The following LARGE1 variants were observed in gnomAD, a reference collection of about 807,000 sequenced individuals.
LARGE1 encodes xylosyl- and glucuronyltransferase LARGE1.
Under a neutral mutation model 87.6 loss-of-function variants are expected in LARGE1, and 43 were observed. The ratio of observed to expected loss-of-function variants is 0.49; its 90% confidence interval spans 0.38 to 0.63. The LOEUF is 0.63. Among genes scored for constraint, LARGE1 ranks in the 30% least tolerant of loss-of-function variants. The probability of loss-of-function intolerance (pLI) is 0.00; values close to 1 mark genes in which losing one functional copy is unlikely to be tolerated. For missense variants in LARGE1, 802 were observed against 1,000.2 expected (o/e 0.80, Z 2.67); for synonymous variants, 434 against 394.6 (o/e 1.10, Z -1.18).
the LARGE1 span, among the ~76,000 whole-genome samples, chr22:33,100,087 G>A: frequency 6.6e-6 from 1 of 152,114 alleles, no homozygotes; most frequent in African/African-American, 2.4e-5. Flanking sequence ...TGTAATCCCA[G>A]CACTTTGGGA....
At chr22:33,501,399 G>T (rs2070429491) in intron 6 of LARGE1, among the ~76,000 whole-genome samples, 1 of 152,134 alleles carries the variant, frequency 6.6e-6, no homozygotes, top group Non-Finnish European at 1.5e-5. Flanking sequence ...GGCCCTAGGG[G>T]GCATGAATCT....
chr22:33,220,341 T>A (rs1295433299), intron 11 of LARGE1, among the ~76,000 whole-genome samples: 1 of 152,168 alleles, frequency 6.6e-6, no homozygotes, highest in Non-Finnish European at 1.5e-5. Context: ...TTTGTCAGCT[T>A]TGGTTTTTGC....
At chr22:33,842,226 T>C (rs1416463352) in intron 1 of LARGE1, among the ~76,000 whole-genome samples, 1 of 152,206 alleles carries the variant, frequency 6.6e-6, no homozygotes, top group Non-Finnish European at 1.5e-5. Context: ...ATTAAGTGCC[T>C]TCGACGCACG....
At chr22:33,251,787 T>C (rs1384426457) in intron 11 of LARGE1, among the ~76,000 whole-genome samples, 2 of 152,232 alleles carry the variant, frequency 1.3e-5, no homozygotes, top group Non-Finnish European at 2.9e-5. Context: ...GCTCAGTCTC[T>C]CACTGTTTGG....
intron 1 of LARGE1, among the ~76,000 whole-genome samples, chr22:33,909,268 T>A (rs1380732054): frequency 1.3e-5 from 2 of 152,152 alleles, no homozygotes; most frequent in Non-Finnish European, 2.9e-5. Context: ...CAGAGAAAAA[T>A]TCACAAGCCT....
At chr22:33,400,388 CA>C (rs1294672563) in intron 7 of LARGE1, among the ~76,000 whole-genome samples, 2 of 152,026 alleles carry the variant, frequency 1.3e-5, no homozygotes, top group African/African-American at 4.8e-5. Context: ...ACTGCAGAGC[CA>C]TCTGGGGGAG....
chr22:33,342,181 G>A (rs1939223675), intron 9 of LARGE1, among the ~76,000 whole-genome samples: 1 of 152,158 alleles, frequency 6.6e-6, no homozygotes, highest in South Asian at 2.1e-4. Context: ...CACACCCAGT[G>A]GGGGGATCGT....
At chr22:33,550,852 A>T (rs140880217) in intron 6 of LARGE1, among the ~76,000 whole-genome samples, 3 of 152,382 alleles carry the variant, frequency 2.0e-5, no homozygotes, top group Non-Finnish European at 4.4e-5. Context: ...CAGTACAACG[A>T]AATACTATTT....
intron 6 of LARGE1, among the ~76,000 whole-genome samples, chr22:33,486,378 C>G (rs9609811): frequency 0.06 from 9,137 of 152,256 alleles, 348 homozygotes; most frequent in Admixed American, 0.12. Flanking sequence ...CAGGACTTGA[C>G]AGTTTACAAA....
At chr22:33,755,699 G>A (rs571952115) in intron 2 of LARGE1, among the ~76,000 whole-genome samples, 6 of 152,298 alleles carry the variant, frequency 3.9e-5, no homozygotes, top group South Asian at 4.1e-4. Context: ...AATCACAGAT[G>A]CTCACAGCAC....
intron 2 of LARGE1, among the ~76,000 whole-genome samples, chr22:33,756,025 G>T (rs1014971943): frequency 1.3e-5 from 2 of 152,130 alleles, no homozygotes; most frequent in African/African-American, 2.4e-5. Flanking sequence ...ACTGAATAGT[G>T]GGCAGTAAGA....
downstream of LARGE1, among the ~76,000 whole-genome samples, chr22:33,161,662 TG>T (rs1213816665): frequency 6.6e-6 from 1 of 152,232 alleles, no homozygotes; most frequent in African/African-American, 2.4e-5. Flanking sequence ...TGATCTTCTT[TG>T]ATTCCATGTC....
At chr22:33,132,882 C>T in the LARGE1 span, among the ~76,000 whole-genome samples, 1,316 of 152,172 alleles carry the variant, frequency 8.6e-3, 9 homozygotes, top group African/African-American at 0.012. Context: ...TATTGTTTCC[C>T]GTCTTATACT....
chr22:33,467,183 C>T (rs186809000), intron 6 of LARGE1, among the ~76,000 whole-genome samples: 3 of 152,296 alleles, frequency 2.0e-5, no homozygotes, highest in Non-Finnish European at 2.9e-5. Context: ...CTTTGCCACC[C>T]TTCTTTGCTC....
At chr22:33,469,655 T>C (rs1169621635) in intron 6 of LARGE1, among the ~76,000 whole-genome samples, 3 of 151,688 alleles carry the variant, frequency 2.0e-5, no homozygotes, top group Non-Finnish European at 4.4e-5. Context: ...TGAAACCCCC[T>C]CTCTACTAAA....
chr22:33,798,525 T>C (rs1438499094), intron 1 of LARGE1, among the ~76,000 whole-genome samples: 4 of 151,964 alleles, frequency 2.6e-5, no homozygotes. Flanking sequence ...ACCACTGGAG[T>C]GCTCACTGGA....
chr22:33,872,267 A>T (rs1394092840), intron 1 of LARGE1, among the ~76,000 whole-genome samples: 1 of 151,838 alleles, frequency 6.6e-6, no homozygotes, highest in Non-Finnish European at 1.5e-5. Context: ...TGGGCACGCC[A>T]GCATCCACTT....
intron 7 of LARGE1, among the ~76,000 whole-genome samples, chr22:33,410,026 G>C (rs939672662): frequency 6.6e-6 from 1 of 152,056 alleles, no homozygotes; most frequent in African/African-American, 2.4e-5. Context: ...TTATAATGCA[G>C]GCTTTGGAAG....
intron 2 of LARGE1, chr22:33,737,711 T>A (rs1203249729): frequency 1.3e-5 from 2 of 152,096 alleles, no homozygotes; most frequent in East Asian, 3.9e-4. Flanking sequence ...CACCGTAGAA[T>A]CTTTCCTGGA....
Sources: allele counts gnomAD v4.1 joint callset (sites outside exome capture counted in the v4.1 genomes callset), GRCh38; gene constraint gnomAD v4.1.1; transcripts MANE v1.5; gene names NCBI Gene and HGNC (gene_info 2026-07-23, HGNC 2026-07-21).